Variants in ALOX5AP observed in about 807,000 individuals in gnomAD.
ALOX5AP encodes the protein arachidonate 5-lipoxygenase-activating protein.
In ALOX5AP, 9 loss-of-function variants were observed where a neutral mutation model predicts 18.5. The ratio of observed to expected loss-of-function variants is 0.49; its 90% CI spans 0.29 to 0.85. The LOEUF (loss-of-function observed/expected upper bound fraction) is 0.85, where lower values mean the gene tolerates loss of function less well. Among genes scored for constraint, ALOX5AP ranks in the 40% least tolerant of loss-of-function variants. ALOX5AP has a pLI of 0.08. For synonymous variants in ALOX5AP, 81 were observed against 78.6 expected (o/e 1.03, Z -0.16); for missense variants, 172 against 202.5 (o/e 0.85, Z 0.91).
intron 1 of ALOX5AP, among the ~76,000 whole-genome samples, chr13:30,736,185 T>C (rs1271851536): frequency 1.3e-5 from 2 of 151,778 alleles, no homozygotes; most frequent in Non-Finnish European, 2.9e-5. Flanking sequence ...TTTTTTCTTT[T>C]TTTCTCCTGA....
At chr13:30,749,831 C>T (rs1413006943) in intron 2 of ALOX5AP, among the ~76,000 whole-genome samples, 5 of 152,106 alleles carry the variant, frequency 3.3e-5, no homozygotes, top group South Asian at 4.1e-4. Flanking sequence ...CAGAGGACCA[C>T]GAAGATTCCA....
intron 2 of ALOX5AP, among the ~76,000 whole-genome samples, chr13:30,749,496 C>T (rs1387105169): frequency 1.3e-5 from 2 of 152,190 alleles, no homozygotes; most frequent in Admixed American, 1.3e-4. Context: ...TTTCTCAGTC[C>T]TGAGGCTGCA....
At chr13:30,734,532 T>C (rs1270549827), upstream of ALOX5AP, among the ~76,000 whole-genome samples, 3 of 152,196 alleles carry the variant, frequency 2.0e-5, no homozygotes, top group East Asian at 3.8e-4. Flanking sequence ...CTCAGAGGGA[T>C]TGCCATTCAC....
upstream of ALOX5AP, among the ~76,000 whole-genome samples, chr13:30,734,507 C>T (rs1019871357): frequency 3.3e-5 from 5 of 152,216 alleles, no homozygotes; most frequent in South Asian, 2.1e-4. Flanking sequence ...AGGTATTTTG[C>T]ATTTTCCATG....
chr13:30,738,041 A>T (rs12429692), intron 1 of ALOX5AP, among the ~76,000 whole-genome samples: 37,426 of 151,990 alleles, frequency 0.25, 4,763 homozygotes, highest in East Asian at 0.35. Flanking sequence ...TCTTCCTCAT[A>T]CCCCAAAATG....
chr13:30,751,987 T>G (rs1189355682), intron 2 of ALOX5AP, 65 bp from the exon 3 acceptor site: 5 of 1,461,350 alleles, frequency 3.4e-6, no homozygotes, highest in Non-Finnish European at 3.8e-6. Flanking sequence ...TTTCAGGTAA[T>G]TTTCAGACCA....
At chr13:30,713,830 C>G (rs1951527490) in exon 1 of ALOX5AP, 1 of 1,525,722 alleles carries the variant, frequency 6.6e-7, no homozygotes, top group Non-Finnish European at 8.7e-7. Flanking sequence ...GGAACATAAG[C>G]CATCAGTGCT....
chr13:30,745,117 G>T (rs9550576), intron 2 of ALOX5AP, among the ~76,000 whole-genome samples: 1 of 152,326 alleles, frequency 6.6e-6, no homozygotes, highest in East Asian at 1.9e-4. Context: ...CCCTTCAGGG[G>T]TACCGTTGGT....
chr13:30,729,607 C>T (rs962438657), intron 1 of ALOX5AP, among the ~76,000 whole-genome samples: 6 of 147,158 alleles, frequency 4.1e-5, no homozygotes, highest in African/African-American at 1.0e-4. Flanking sequence ...GATGGGGTCT[C>T]GCTCTGTCAC....
intron 3 of ALOX5AP, 104 bp downstream of exon 3, chr13:30,752,226 C>CACAGATGGGAG: frequency 8.3e-7 from 1 of 1,210,292 alleles, no homozygotes; most frequent in Non-Finnish European, 1.2e-6. Context: ...ACCTCTGGCT[C>CACAGATGGGAG]CCATCTGTGA....
At chr13:30,761,353 G>A (rs1951939891) in intron 4 of ALOX5AP, among the ~76,000 whole-genome samples, 1 of 152,162 alleles carries the variant, frequency 6.6e-6, no homozygotes, top group African/African-American at 2.4e-5. Context: ...TTTCACTTCG[G>A]TTTTATCTTG....
chr13:30,716,598 A>C (rs921094711), intron 1 of ALOX5AP, among the ~76,000 whole-genome samples: 1 of 152,238 alleles, frequency 6.6e-6, no homozygotes, highest in Non-Finnish European at 1.5e-5. Flanking sequence ...ATTGGCTAAA[A>C]TATCAGCCCC....
At chr13:30,730,873 G>A (rs1375570413), upstream of ALOX5AP, among the ~76,000 whole-genome samples, 2 of 152,166 alleles carry the variant, frequency 1.3e-5, no homozygotes, top group African/African-American at 4.8e-5. Flanking sequence ...TTGACAAATG[G>A]TTGTCCTTCA....
chr13:30,743,438 C>T (rs1352187687), intron 1 of ALOX5AP, among the ~76,000 whole-genome samples: 2 of 151,992 alleles, frequency 1.3e-5, no homozygotes, highest in African/African-American at 4.8e-5. Flanking sequence ...GTCATAGATA[C>T]ATGTCATTGA....
chr13:30,758,697 G>A lies in ALOX5AP; in HGVS notation c.323+2672G>A, dbSNP rs17239249. Among the ~76,000 whole-genome samples the A allele has an allele frequency of 7.1e-3, 1,076 of 152,186 alleles. 18 individuals carry two copies. Among genetic ancestry groups the A allele is most frequent in the African/African-American group, 0.025 (1,026 of 41,496 alleles). ...CTGACCCCTTCCTCTATCCTGTTTA[G>A]TTCACCTGTAGCAGTTACTACCCAG... On this transcript the variant is annotated intron_variant, in intron 4 of 4. Coordinates refer to ENST00000380490, the MANE Select transcript of ALOX5AP (RefSeq NM_001629.4).
At chr13:30,727,843 G>A (rs767320941) in intron 1 of ALOX5AP, among the ~76,000 whole-genome samples, 5 of 152,072 alleles carry the variant, frequency 3.3e-5, no homozygotes, top group Non-Finnish European at 7.4e-5. Flanking sequence ...TCAGTCTTGC[G>A]GGTTTTGGGT....
intron 4 of ALOX5AP, 55 bp from the exon 5 acceptor site, chr13:30,763,889 T>A: frequency 6.5e-7 from 1 of 1,529,824 alleles, no homozygotes; most frequent in East Asian, 2.3e-5. Context: ...TTTGTGTGTG[T>A]GAAATTGGTG....
intron 2 of ALOX5AP, 95 bp from the exon 3 acceptor site, chr13:30,751,957 T>C: frequency 8.5e-7 from 1 of 1,173,964 alleles, no homozygotes; most frequent in Non-Finnish European, 1.3e-6. Flanking sequence ...TCATGCACGA[T>C]GGTGATTATT....
chr13:30,725,548 T>C (rs1332848565), intron 1 of ALOX5AP, among the ~76,000 whole-genome samples: 1 of 152,234 alleles, frequency 6.6e-6, no homozygotes, highest in Non-Finnish European at 1.5e-5. Context: ...GATAGAAATC[T>C]ACGCCAATAT....
Sources: allele counts gnomAD v4.1 joint callset (sites outside exome capture counted in the v4.1 genomes callset), GRCh38; gene constraint gnomAD v4.1.1; transcripts MANE v1.5; gene names NCBI Gene and HGNC (gene_info 2026-07-23, HGNC 2026-07-21).